NME7: variants seen among roughly 807,000 people sequenced by gnomAD.
NME7 encodes nucleoside diphosphate kinase 7.
A neutral mutation model predicts 49.1 loss-of-function variants in NME7; 41 were observed. The observed-to-expected ratio is 0.83, with a 90% CI of 0.65 to 1.08. The LOEUF is 1.08. NME7 is among the 50% of genes least tolerant of loss of function. The pLI is 0.00. For missense variants in NME7, 423 were observed against 463.4 expected (o/e 0.91, Z 0.80); for synonymous variants, 139 against 150.6 (o/e 0.92, Z 0.56).
rs944224644 is a variant in NME7, at chr1:169,210,439, G to A, written c.990+20279C>T. 8.5e-5 allele frequency among the ~76,000 whole-genome samples: 13 copies of A among 152,260 alleles called. No individual in the cohort carries two copies. The South Asian group carries it at 1.9e-3, about 22-fold the overall frequency. ...AAGTGAGGTAATAGTAAACATTATC[G>A]TGGCAAAATAATTCTGTATCAGATG... On this transcript the variant is annotated intron_variant, in intron 10 of 11. Coordinates refer to ENST00000367811, the MANE Select transcript of NME7 (RefSeq NM_013330.5).
chr1:169,225,417 G>A (rs1198005576), intron 10 of NME7, among the ~76,000 whole-genome samples: 1 of 152,112 alleles, frequency 6.6e-6, no homozygotes, highest in African/African-American at 2.4e-5. Context: ...CCAGTTTGAC[G>A]TTAGTGGAGG....
rs77201370 is a variant in NME7 at position 169,257,702 on chromosome 1, A to G, written c.755-20015T>C. ...TCTTTTAAAGTTTAAAACTCCTTTT[A>G]GCATTTTCAATAGAGCTGGTCTAGT... On this transcript the variant is annotated intron_variant, in intron 7 of 11. Coordinates refer to ENST00000367811, the MANE Select transcript of NME7 (RefSeq NM_013330.5). Among the ~76,000 whole-genome samples, 12 of 134,306 alleles carry G rather than the reference A, an allele frequency of 8.9e-5. No individual in the cohort carries two copies. In the East Asian group the frequency reaches 2.4e-3, roughly 27 times the overall value. 88.1% of individuals were successfully genotyped at this position (134,306 alleles called of 152,430 possible). A position where few individuals can be genotyped will look rare whatever the true frequency, so the allele number is the denominator to read the frequency against.
At chr1:169,218,100 C>T (rs978612048) in intron 10 of NME7, among the ~76,000 whole-genome samples, 2 of 152,176 alleles carry the variant, frequency 1.3e-5, no homozygotes, top group African/African-American at 4.8e-5. Context: ...CACCCAGATG[C>T]TAAATTCTCT....
intron 4 of NME7, among the ~76,000 whole-genome samples, chr1:169,303,904 G>T (rs1651073277): frequency 6.6e-6 from 1 of 152,034 alleles, no homozygotes; most frequent in South Asian, 2.1e-4. Flanking sequence ...TTTTCCACAG[G>T]CTTTAAACTT....
At chr1:169,202,924 CAT>C (rs939456380) in intron 10 of NME7, among the ~76,000 whole-genome samples, 9 of 151,490 alleles carry the variant, frequency 5.9e-5, no homozygotes, top group South Asian at 4.2e-4. Flanking sequence ...GTGTATGAAA[CAT>C]GTGTCCCATT....
chr1:169,303,410 G>T, intron 4 of NME7: 1 of 254,380 alleles, frequency 3.9e-6, no homozygotes. Flanking sequence ...AATGTAGGAG[G>T]CAATGTTTAC....
chr1:169,229,882 A>G (rs1409562628), intron 10 of NME7, among the ~76,000 whole-genome samples: 1 of 151,892 alleles, frequency 6.6e-6, no homozygotes, highest in Non-Finnish European at 1.5e-5. Flanking sequence ...GAATCACTAG[A>G]GCCCGGGAGG....
intron 9 of NME7, among the ~76,000 whole-genome samples, chr1:169,232,868 A>T (rs1647691034): frequency 6.8e-6 from 1 of 146,654 alleles, no homozygotes; most frequent in South Asian, 2.2e-4. Context: ...TTTATTTTTT[A>T]GTTGCTTTAT....
intron 11 of NME7, among the ~76,000 whole-genome samples, chr1:169,140,026 G>A (rs932033696): frequency 3.9e-5 from 6 of 152,152 alleles, no homozygotes; most frequent in Admixed American, 3.3e-4. Context: ...ACTTTCTGTG[G>A]TGACTGTAGA....
At chr1:169,234,075 C>A (rs968563610) in intron 9 of NME7, among the ~76,000 whole-genome samples, 2 of 152,014 alleles carry the variant, frequency 1.3e-5, no homozygotes, top group Non-Finnish European at 2.9e-5. Flanking sequence ...AAAGAAAAAA[C>A]ATGTTAAACA....
At position 169,260,705 on chromosome 1, in the gene NME7, A is replaced by T. The variant is rs1649132461; in HGVS notation, c.755-23018T>A. 2.2e-5 allele frequency among the ~76,000 whole-genome samples: 3 copies of T among 133,926 alleles called. 1 individual carries two copies. Among genetic ancestry groups the T allele is most frequent in the Non-Finnish European group, 5.3e-5 (3 of 56,906 alleles). 87.9% of individuals were successfully genotyped at this position (133,926 alleles called of 152,430 possible). A position where few individuals can be genotyped will look rare whatever the true frequency, so the allele number is the denominator to read the frequency against. ...AGAGGAAAGGGTTAGGAGGATACAT[A>T]GAAAACCAGTACTAGAGGATCCTCC... On this transcript the variant is annotated intron_variant, in intron 7 of 11. Coordinates refer to ENST00000367811, the MANE Select transcript of NME7 (RefSeq NM_013330.5).
intron 3 of NME7, chr1:169,322,267 G>A (rs1318580516): frequency 6.6e-6 from 1 of 152,058 alleles, no homozygotes; most frequent in African/African-American, 2.4e-5. Context: ...CTGAGAAAAA[G>A]AATGATGAAT....
chr1:169,219,655 A>C (rs1340462296), intron 10 of NME7, among the ~76,000 whole-genome samples: 3 of 152,152 alleles, frequency 2.0e-5, no homozygotes, highest in Non-Finnish European at 2.9e-5. Context: ...ACACCTCAGC[A>C]TCTAAAGTAG....
intron 11 of NME7, among the ~76,000 whole-genome samples, chr1:169,146,000 G>A (rs917767045): frequency 6.6e-6 from 1 of 151,748 alleles, no homozygotes; most frequent in Admixed American, 6.6e-5. Context: ...ATTGTGTGAT[G>A]GTGAGGTTTG....
At chr1:169,193,458 G>A (rs922271221) in intron 10 of NME7, among the ~76,000 whole-genome samples, 4 of 152,124 alleles carry the variant, frequency 2.6e-5, no homozygotes, top group African/African-American at 9.7e-5. Flanking sequence ...ACTTATTGAT[G>A]GATTTGTAAG....
intron 6 of NME7, among the ~76,000 whole-genome samples, chr1:169,292,473 T>C (rs577228508): frequency 1.2e-4 from 18 of 152,066 alleles, no homozygotes; most frequent in Admixed American, 7.9e-4. Context: ...CTGAGCTGAG[T>C]GTTAAAAGGC....
chr1:169,355,197 A>G (rs1415458632), intron 1 of NME7, among the ~76,000 whole-genome samples: 1 of 41,390 alleles, frequency 2.4e-5, no homozygotes, highest in African/African-American at 8.7e-5. Context: ...TTATAGATAT[A>G]ATATATAATA....
intron 10 of NME7, among the ~76,000 whole-genome samples, chr1:169,193,346 A>G (rs1272608100): frequency 4.6e-5 from 7 of 152,126 alleles, no homozygotes; most frequent in Non-Finnish European, 1.0e-4. Flanking sequence ...ACTGCGATAT[A>G]AATAAAACGC....
At chr1:169,146,689 C>T (rs1456470388) in intron 11 of NME7, among the ~76,000 whole-genome samples, 2 of 152,170 alleles carry the variant, frequency 1.3e-5, no homozygotes, top group Non-Finnish European at 2.9e-5. Flanking sequence ...CCTTCCCTTC[C>T]TTCCACAGCC....
Sources: gnomAD v4.1 joint callset for allele counts (sites outside exome capture counted in the v4.1 genomes callset) on GRCh38, gnomAD v4.1.1 for gene constraint, MANE v1.5 for transcripts, NCBI Gene and HGNC (gene_info 2026-07-23, HGNC 2026-07-21) for gene names.